ARID2: variants seen among roughly 807,000 people sequenced by gnomAD.
ARID2 encodes the protein AT-rich interaction domain 2.
A neutral mutation model predicts 184.6 loss-of-function variants in ARID2; 32 were observed. That is an observed-to-expected ratio of 0.17 (90% CI 0.13 to 0.23). ARID2 has a LOEUF of 0.23. Ranked by LOEUF, ARID2 falls within the 10% of genes least tolerant of loss-of-function variation. The probability of loss-of-function intolerance (pLI) is 1.00; values close to 1 mark genes in which losing one functional copy is unlikely to be tolerated. For missense variants in ARID2, 1,696 were observed against 2,197.6 expected (o/e 0.77, Z 4.56); for synonymous variants, 836 against 772.6 (o/e 1.08, Z -1.36).
intron 3 of ARID2, among the ~76,000 whole-genome samples, chr12:45,735,068 T>C (rs146990098): frequency 1.3e-5 from 2 of 152,308 alleles, no homozygotes; most frequent in East Asian, 1.9e-4. Flanking sequence ...TGTAGAGTTA[T>C]GTTTACCATA....
At chr12:45,815,196 T>C (rs1787209783) in intron 4 of ARID2, among the ~76,000 whole-genome samples, 1 of 152,168 alleles carries the variant, frequency 6.6e-6, no homozygotes, top group South Asian at 2.1e-4. Flanking sequence ...ATGTGGAATA[T>C]AAAAATGTAA....
intron 3 of ARID2, among the ~76,000 whole-genome samples, chr12:45,806,385 C>T (rs1294783747): frequency 1.3e-5 from 2 of 152,098 alleles, no homozygotes; most frequent in African/African-American, 4.8e-5. Flanking sequence ...TGTTTACATC[C>T]TTTCATGCCT....
chr12:45,850,591 C>T lies in ARID2; in HGVS notation c.2468C>T (p.Thr823Ile), dbSNP rs1241344137. The change falls in exon 15 of 21, where the codon ACC becomes ATC. Residue 823 changes from threonine (T) to isoleucine (I), a missense_variant. Thr to Ile is a moderately conservative substitution (Grantham distance 89). This residue lies in a region of ARID2 where 713 missense variants were observed against 824.4 expected (regional missense o/e 0.86). Coordinates refer to ENST00000334344, the MANE Select transcript of ARID2 (RefSeq NM_152641.4). ...GTTTCACAGGGTCAACAGTTAATCA[C>T]CACATCACCCCAACCTGTGCAAACT... Reference protein sequence around the residue: ...STVSQGQQLITTSPQPVQTSS... With the variant: ...STVSQGQQLIITSPQPVQTSS... 1 of 1,614,094 alleles carries T rather than the reference C, an allele frequency of 6.2e-7. No individual in the cohort carries two copies.
At chr12:45,766,716 G>A (rs1282081517) in intron 3 of ARID2, among the ~76,000 whole-genome samples, 5 of 151,948 alleles carry the variant, frequency 3.3e-5, no homozygotes, top group Non-Finnish European at 7.4e-5. Flanking sequence ...GGGTTTCACC[G>A]TGTTAGCCAG....
intron 6 of ARID2, among the ~76,000 whole-genome samples, chr12:45,826,672 G>A (rs1418229424): frequency 6.6e-6 from 1 of 151,956 alleles, no homozygotes; most frequent in Non-Finnish European, 1.5e-5. Context: ...TCCTGCCTCG[G>A]CCTCCCAGAG....
chr12:45,797,880 T>G (rs1942419807), intron 3 of ARID2, among the ~76,000 whole-genome samples: 1 of 151,964 alleles, frequency 6.6e-6, no homozygotes, highest in Non-Finnish European at 1.5e-5. Flanking sequence ...TAATATATTA[T>G]TTTTTAATTT....
intron 3 of ARID2, among the ~76,000 whole-genome samples, chr12:45,775,664 T>C (rs940850566): frequency 1.3e-5 from 2 of 152,232 alleles, no homozygotes; most frequent in Admixed American, 6.5e-5. Context: ...GCCAATGTCA[T>C]ATGAGCTAAG....
chr12:45,791,548 T>G (rs1942289855), intron 3 of ARID2, among the ~76,000 whole-genome samples: 1 of 152,186 alleles, frequency 6.6e-6, no homozygotes, highest in South Asian at 2.1e-4. Flanking sequence ...AGGGTTCTGA[T>G]GAACTCTTCT....
chr12:45,887,583 T>C (rs1188052751), intron 16 of ARID2, among the ~76,000 whole-genome samples: 1 of 152,128 alleles, frequency 6.6e-6, no homozygotes, highest in Non-Finnish European at 1.5e-5. Flanking sequence ...AAGATTAGGC[T>C]CATAGACACA....
intron 3 of ARID2, among the ~76,000 whole-genome samples, chr12:45,778,702 G>T (rs576477908): frequency 6.6e-6 from 1 of 151,354 alleles, no homozygotes; most frequent in Non-Finnish European, 1.5e-5. Flanking sequence ...AATAAATGAC[G>T]GTTCATTTAC....
At chr12:45,762,450 T>C (rs1381728748) in intron 3 of ARID2, among the ~76,000 whole-genome samples, 1 of 152,242 alleles carries the variant, frequency 6.6e-6, no homozygotes, top group Non-Finnish European at 1.5e-5. Context: ...TACACTAAAG[T>C]AGTGATAGCA....
At chr12:45,799,911 G>A (rs753174822) in intron 3 of ARID2, among the ~76,000 whole-genome samples, 3 of 152,008 alleles carry the variant, frequency 2.0e-5, no homozygotes, top group South Asian at 2.1e-4. Context: ...GTGTGGTAGC[G>A]CAATGATGGA....
chr12:45,744,690 G>T (rs976419758), intron 3 of ARID2, among the ~76,000 whole-genome samples: 1 of 152,058 alleles, frequency 6.6e-6, no homozygotes, highest in African/African-American at 2.4e-5. Flanking sequence ...CTCAAGATGA[G>T]AAATAATTAT....
intron 3 of ARID2, among the ~76,000 whole-genome samples, chr12:45,782,639 T>A (rs909983069): frequency 1.3e-5 from 2 of 151,056 alleles, no homozygotes; most frequent in Non-Finnish European, 3.0e-5. Flanking sequence ...CTCAAAAAAA[T>A]TTTTTTGAAT....
rs1477594553 is a variant in ARID2, at chr12:45,850,134, G to A, written c.2011G>A (p.Val671Ile). The change falls in exon 15 of 21, where the codon GTA (valine) becomes ATA (isoleucine). Residue 671 changes from valine (V) to isoleucine (I), a missense_variant. Around this residue, in one of 11 missense-constraint regions of ARID2, gnomAD observed 713 missense variants for 824.4 expected, o/e 0.86. Coordinates refer to ENST00000334344, the MANE Select transcript of ARID2 (RefSeq NM_152641.4). Reference protein sequence around the residue: ...NLTATQMSFPVQGVHTVAQTV... With the variant: ...NLTATQMSFPIQGVHTVAQTV... ...GACTGCAACACAAATGTCTTTTCCT[G>A]TACAAGGTGTTCATACTGTGGCACA... 6 of 1,614,060 alleles carry A rather than the reference G, an allele frequency of 3.7e-6. No individual in the cohort carries two copies. Among genetic ancestry groups the A allele is most frequent in the Non-Finnish European group, 5.1e-6 (6 of 1,179,986 alleles).
chr12:45,865,524 C>T (rs1451849315), intron 16 of ARID2, among the ~76,000 whole-genome samples: 3 of 151,822 alleles, frequency 2.0e-5, no homozygotes, highest in Admixed American at 6.6e-5. Context: ...ATTAATTTTT[C>T]TGTAAACAAA....
At chr12:45,847,103 A>AT (rs1943457534) in intron 12 of ARID2, among the ~76,000 whole-genome samples, 166 bp downstream of exon 12, 1 of 152,162 alleles carries the variant, frequency 6.6e-6, no homozygotes, top group African/African-American at 2.4e-5. Flanking sequence ...CCCCTTGTAT[A>AT]TTGGAATAAT....
chr12:45,803,200 A>G (rs2138071185), intron 3 of ARID2, among the ~76,000 whole-genome samples: 1 of 152,336 alleles, frequency 6.6e-6, no homozygotes, highest in African/African-American at 2.4e-5. Flanking sequence ...AGTAAATACC[A>G]TAAGCTCAGA....
chr12:45,891,941 G>T, intron 17 of ARID2, 23 bp downstream of exon 17: 2 of 1,613,880 alleles, frequency 1.2e-6, no homozygotes, highest in South Asian at 2.2e-5. Context: ...AATACTATTT[G>T]ATCAGTAACT....
Sources: allele counts gnomAD v4.1 joint callset (sites outside exome capture counted in the v4.1 genomes callset), GRCh38; gene constraint gnomAD v4.1.1; regional missense constraint gnomAD v4.1.1; transcripts MANE v1.5; gene names NCBI Gene and HGNC (gene_info 2026-07-23, HGNC 2026-07-21).